The following RAD51B variants were observed in gnomAD, a reference collection of about 807,000 sequenced individuals.
RAD51B encodes RAD51 paralog B.
In RAD51B, 38 loss-of-function variants were observed where a neutral mutation model predicts 42.2. The observed-to-expected ratio is 0.90, with a 90% CI of 0.70 to 1.18. The LOEUF (loss-of-function observed/expected upper bound fraction) is 1.18, where lower values mean the gene tolerates loss of function less well. Among genes scored for constraint, RAD51B ranks in the 50% most tolerant of loss-of-function variants. The pLI is 0.00. For synonymous variants in RAD51B, 154 were observed against 145.2 expected (o/e 1.06, Z -0.43); for missense variants, 373 against 400.7 (o/e 0.93, Z 0.59).
chr14:68,290,860 GC>G (rs1271943870), intron 7 of RAD51B, among the ~76,000 whole-genome samples: 2 of 151,902 alleles, frequency 1.3e-5, no homozygotes, highest in African/African-American at 4.8e-5. Context: ...AGGCTGGAGT[GC>G]AATGGCACGA....
At chr14:67,989,635 CAAAAAAAAA>C (rs764608072) in intron 7 of RAD51B, among the ~76,000 whole-genome samples, 4 of 66,904 alleles carry the variant, frequency 6.0e-5, no homozygotes, top group African/African-American at 1.8e-4. Context: ...AACTCTGTCT[CAAAAAAAAA>C]AAAAAAAAAA....
intron 7 of RAD51B, among the ~76,000 whole-genome samples, chr14:68,254,957 C>G (rs2080721475): frequency 6.6e-6 from 1 of 152,188 alleles, no homozygotes; most frequent in East Asian, 1.9e-4. Flanking sequence ...TCTTTCACTT[C>G]TGGAATAATT....
chr14:67,990,573 T>G (rs1247914020), intron 7 of RAD51B, among the ~76,000 whole-genome samples: 1 of 152,200 alleles, frequency 6.6e-6, no homozygotes, highest in African/African-American at 2.4e-5. Context: ...TTGATTTGAG[T>G]TTGTTTACTC....
intron 8 of RAD51B, among the ~76,000 whole-genome samples, chr14:68,320,408 C>A (rs1306773308): frequency 6.6e-6 from 1 of 152,180 alleles, no homozygotes; most frequent in Non-Finnish European, 1.5e-5. Flanking sequence ...ATTTTAATAT[C>A]TTTAAAGAGC....
intron 7 of RAD51B, among the ~76,000 whole-genome samples, chr14:68,132,022 C>T (rs1039703819): frequency 2.6e-5 from 4 of 152,174 alleles, no homozygotes; most frequent in African/African-American, 9.7e-5. Flanking sequence ...AAGAATCAGG[C>T]TCAGAAAGGA....
intron 5 of RAD51B, among the ~76,000 whole-genome samples, chr14:67,880,087 AT>A (rs1425768047): frequency 6.6e-6 from 1 of 152,218 alleles, no homozygotes; most frequent in Non-Finnish European, 1.5e-5. Flanking sequence ...ATGTTGACAC[AT>A]TTTATTACTC....
intron 7 of RAD51B, among the ~76,000 whole-genome samples, chr14:67,993,071 A>C (rs189962127): frequency 2.0e-5 from 3 of 152,212 alleles, no homozygotes; most frequent in Admixed American, 2.0e-4. Flanking sequence ...TCCAAGAAAC[A>C]TTTTTTTAAT....
chr14:68,189,618 C>CTATT (rs1438313578), intron 7 of RAD51B, among the ~76,000 whole-genome samples: 1 of 152,088 alleles, frequency 6.6e-6, no homozygotes, highest in Non-Finnish European at 1.5e-5. Context: ...CTTTTCCTCA[C>CTATT]TATTTATTCC....
chr14:68,286,641 C>T (rs1252048336), intron 7 of RAD51B, among the ~76,000 whole-genome samples: 1 of 152,210 alleles, frequency 6.6e-6, no homozygotes, highest in Non-Finnish European at 1.5e-5. Flanking sequence ...AATGGCTACT[C>T]ATGGGGCCCC....
At chr14:67,827,547 A>G (rs988957098) in intron 3 of RAD51B, among the ~76,000 whole-genome samples, 18 of 151,902 alleles carry the variant, frequency 1.2e-4, no homozygotes, top group African/African-American at 3.9e-4. Flanking sequence ...AATGTGTGCC[A>G]TGGTGGTTTG....
chr14:68,374,185 A>G (rs2083318186), intron 8 of RAD51B, among the ~76,000 whole-genome samples: 1 of 152,200 alleles, frequency 6.6e-6, no homozygotes, highest in Admixed American at 6.5e-5. Flanking sequence ...TGGAGCAGAG[A>G]GCAAGTCTGT....
chr14:68,235,691 G>A lies in RAD51B; in HGVS notation c.757-56193G>A, dbSNP rs1174101370. Reference sequence around the variant, plus strand: ...TGCACTCCAGCCTGGGCGACAGAGCGAGACTCCGTCTCAAAAAAAAAAAAA... The same window carrying A: ...TGCACTCCAGCCTGGGCGACAGAGCAAGACTCCGTCTCAAAAAAAAAAAAA... On this transcript the variant is annotated intron_variant, in intron 7 of 10. Coordinates refer to ENST00000471583, the MANE Select transcript of RAD51B (RefSeq NM_133510.4). Among the ~76,000 whole-genome samples the A allele has an allele frequency of 1.2e-4, 13 of 108,882 alleles. No individual in the cohort carries two copies. In the Admixed American group the frequency reaches 1.5e-3, roughly 13 times the overall value. 71.4% of individuals were successfully genotyped at this position (108,882 alleles called of 152,430 possible).
intron 7 of RAD51B, among the ~76,000 whole-genome samples, chr14:67,990,656 T>G (rs1033988048): frequency 6.6e-6 from 1 of 152,216 alleles, no homozygotes; most frequent in African/African-American, 2.4e-5. Context: ...AATACAATTA[T>G]TGGTTATGAC....
At chr14:68,676,174 A>G (rs1297027019) in intron 11 of RAD51B, among the ~76,000 whole-genome samples, 1 of 152,226 alleles carries the variant, frequency 6.6e-6, no homozygotes, top group Non-Finnish European at 1.5e-5. Context: ...GCATGAGTTC[A>G]TACTGCATAT....
chr14:68,607,509 G>A (rs935275113), intron 10 of RAD51B, among the ~76,000 whole-genome samples: 32 of 152,262 alleles, frequency 2.1e-4, no homozygotes, highest in African/African-American at 7.5e-4. Context: ...GCCCAGGCCC[G>A]TGAGGCTCCT....
At chr14:67,909,764 C>G (rs10467735) in intron 7 of RAD51B, among the ~76,000 whole-genome samples, 41,997 of 152,026 alleles carry the variant, frequency 0.28, 7,609 homozygotes, top group African/African-American at 0.51. Flanking sequence ...CTGCAGCCTT[C>G]ACCTCCTGGG....
Position 68,270,174 on chromosome 14 carries a change from G to A in RAD51B, c.757-21710G>A, listed in dbSNP as rs535706545. On this transcript the variant is annotated intron_variant, in intron 7 of 10. Transcript: ENST00000471583. ...TCCTTTAGTTTGTTACATGCCCTGC[G>A]ATCCAGCCCAAAACAGGAGAAGCCC... Among the ~76,000 whole-genome samples the A allele has an allele frequency of 4.3e-4, 65 of 152,228 alleles. 1 individual carries two copies. Among genetic ancestry groups the A allele is most frequent in the African/African-American group, 1.5e-3 (64 of 41,526 alleles).
chr14:68,081,131 T>C (rs2076906276), intron 7 of RAD51B, among the ~76,000 whole-genome samples: 1 of 152,234 alleles, frequency 6.6e-6, no homozygotes, highest in Non-Finnish European at 1.5e-5. Flanking sequence ...TCTATCACTT[T>C]GATATGGCTC....
At chr14:68,101,605 A>G (rs1013118269) in intron 7 of RAD51B, among the ~76,000 whole-genome samples, 3 of 152,208 alleles carry the variant, frequency 2.0e-5, no homozygotes, top group Admixed American at 2.0e-4. Flanking sequence ...TCTAGGTCAC[A>G]CTGATGCAAG....
Sources: allele counts gnomAD v4.1 joint callset (sites outside exome capture counted in the v4.1 genomes callset), GRCh38; gene constraint gnomAD v4.1.1; transcripts MANE v1.5; gene names NCBI Gene and HGNC (gene_info 2026-07-23, HGNC 2026-07-21).